The following STUM variants were observed in gnomAD, a reference collection of about 807,000 sequenced individuals.
STUM encodes stum, mechanosensory transduction mediator homolog, also known as protein stum homolog.
In STUM, 8 loss-of-function variants were observed where a neutral mutation model predicts 15.3. The ratio of observed to expected loss-of-function variants is 0.52; its 90% CI spans 0.31 to 0.94. The LOEUF (loss-of-function observed/expected upper bound fraction) is 0.94. Ranked by LOEUF, STUM falls within the 40% of genes least tolerant of loss-of-function variation. The pLI is 0.05. For missense variants in STUM, 142 were observed against 204.9 expected (o/e 0.69, Z 1.87); for synonymous variants, 78 against 88.7 (o/e 0.88, Z 0.68).
chr1:226,592,487 T>C (rs970319087), intron 1 of STUM, among the ~76,000 whole-genome samples: 1 of 152,244 alleles, frequency 6.6e-6, no homozygotes, highest in Non-Finnish European at 1.5e-5. Context: ...TCAGTTTCTG[T>C]ATCTGTAAAA....
intron 1 of STUM, among the ~76,000 whole-genome samples, chr1:226,568,572 G>A (rs1488311729): frequency 6.6e-6 from 1 of 152,230 alleles, no homozygotes; most frequent in African/African-American, 2.4e-5. Flanking sequence ...TCAGTAGCAG[G>A]CAGCTTGACT....
rs1406240451 is a variant in STUM at position 226,552,939 on chromosome 1, T to G, written c.202+3833T>G. Among the ~76,000 whole-genome samples the G allele has an allele frequency of 6.6e-6, 1 of 152,190 alleles. No homozygotes were observed. The highest frequency in any genetic ancestry group is 1.5e-5 in the Non-Finnish European group (1 of 68,024). On this transcript the variant is annotated intron_variant, in intron 1 of 3. Coordinates refer to ENST00000366788, the MANE Select transcript of STUM (RefSeq NM_001003665.4). The surrounding 1 kb of genome is among the most constrained non-coding windows in gnomAD (Gnocchi z 4.7). ...AAAGAGCATGTTATCCACAAATACA[T>G]ATAGACTAGAATTATACTCCTGGAA...
At chr1:226,572,345 C>T (rs193162862) in intron 1 of STUM, among the ~76,000 whole-genome samples, 12 of 152,284 alleles carry the variant, frequency 7.9e-5, no homozygotes, top group African/African-American at 2.6e-4. Flanking sequence ...CAACTTTCAA[C>T]AAGTATGCAT....
chr1:226,584,507 T>G (rs1378558583), intron 1 of STUM, among the ~76,000 whole-genome samples: 2 of 152,130 alleles, frequency 1.3e-5, no homozygotes. Flanking sequence ...CAGTGGCTCC[T>G]GAAGGTCTCT....
intron 2 of STUM, among the ~76,000 whole-genome samples, chr1:226,599,856 G>A (rs1346689952): frequency 1.3e-5 from 2 of 152,218 alleles, no homozygotes. Context: ...AGTCTCACAT[G>A]TTCTCAGCAC....
In STUM at chr1:226,601,765, C is replaced by T. The variant is rs554138350; in HGVS notation, c.392-241C>T. Among the ~76,000 whole-genome samples the T allele has an allele frequency of 7.9e-4, 121 of 152,344 alleles. 1 individual carries two copies. The highest frequency in any genetic ancestry group is 2.8e-3 in the African/African-American group (116 of 41,574). On this transcript the variant is annotated intron_variant, in intron 3 of 3. Transcript: ENST00000366788. ...ATGTCGATAGCCTTTTAGCTCCCAC[C>T]CCAAATGCCCGCCCGTCATACATTC...
Position 226,603,143 on chromosome 1 carries a change from A to G in STUM, c.*1103A>G, listed in dbSNP as rs1668299879. The G allele has an allele frequency of 6.6e-6, 1 of 152,244 alleles. No homozygotes were observed. The highest frequency in any genetic ancestry group is 1.5e-5 in the Non-Finnish European group (1 of 68,050). 9.4% of individuals were successfully genotyped at this position (152,244 alleles called of 1,614,324 possible). A position where few individuals can be genotyped will look rare whatever the true frequency, so the allele number is the denominator to read the frequency against. The stretch of plus-strand genomic sequence containing the variant: ...GAGCTTTTAGGGTTTCAGAATTGCA[A>G]GAACAATTGTATGGGGTTGTGGACC... On this transcript the variant is annotated 3_prime_UTR_variant, in exon 4 of 4. Coordinates refer to ENST00000366788, the MANE Select transcript of STUM (RefSeq NM_001003665.4).
intron 1 of STUM, among the ~76,000 whole-genome samples, chr1:226,555,471 T>C (rs548457970): frequency 3.3e-5 from 5 of 151,224 alleles, no homozygotes; most frequent in Admixed American, 1.3e-4. Flanking sequence ...GACCTCCCAG[T>C]GGCTCAGGCC....
At chr1:226,580,751 T>C (rs1667905442) in intron 1 of STUM, among the ~76,000 whole-genome samples, 4 of 152,210 alleles carry the variant, frequency 2.6e-5, no homozygotes, top group Admixed American at 1.3e-4. Context: ...GCTGTGTGTC[T>C]GGATCCATCA....
At chr1:226,586,204 G>A (rs146089135) in intron 1 of STUM, among the ~76,000 whole-genome samples, 2 of 152,262 alleles carry the variant, frequency 1.3e-5, no homozygotes, top group East Asian at 1.9e-4. Flanking sequence ...TCTCCCACAC[G>A]CCCAGTGTGT....
chr1:226,563,927 A>C (rs770814171), intron 1 of STUM, among the ~76,000 whole-genome samples: 19 of 152,212 alleles, frequency 1.2e-4, no homozygotes, highest in Non-Finnish European at 2.5e-4. Context: ...TGGGGTTCTG[A>C]GGCTCAAGGC....
chr1:226,557,851 G>C (rs750615320), intron 1 of STUM, among the ~76,000 whole-genome samples: 1 of 152,096 alleles, frequency 6.6e-6, no homozygotes, highest in African/African-American at 2.4e-5. Context: ...CAATAAATGT[G>C]ATACATCACA....
chr1:226,566,988 C>G (rs1467591262), intron 1 of STUM, among the ~76,000 whole-genome samples: 1 of 152,182 alleles, frequency 6.6e-6, no homozygotes, highest in East Asian at 1.9e-4. Flanking sequence ...AACTCCATTG[C>G]TGCTTCCCGC....
chr1:226,603,873 C>G lies in STUM; in HGVS notation c.*1833C>G, dbSNP rs139807412. On this transcript the variant is annotated 3_prime_UTR_variant, in exon 4 of 4. Coordinates refer to ENST00000366788, the MANE Select transcript of STUM (RefSeq NM_001003665.4). ...TGCCTTCTTCTCTCCTGTTTGGAAG[C>G]CTCTGTATCTTCAAGGTGTGGGAAC... 6.3e-4 allele frequency: 96 copies of G among 152,524 alleles called. No homozygotes were observed. Among genetic ancestry groups the G allele is most frequent in the Non-Finnish European group, 2.2e-4 (15 of 68,176 alleles). The allele number at this position is 152,524 out of a possible 1,614,324, so 9.4% of individuals were successfully genotyped here.
Position 226,548,868 on chromosome 1 carries a change from G to A in STUM, c.-37G>A. The A allele has an allele frequency of 7.6e-7, 1 of 1,310,502 alleles. No homozygotes were observed. Among genetic ancestry groups the A allele is most frequent in the Non-Finnish European group, 9.6e-7 (1 of 1,037,720 alleles). 81.2% of individuals were successfully genotyped at this position (1,310,502 alleles called of 1,614,324 possible). On this transcript the variant is annotated 5_prime_UTR_variant, in exon 1 of 4. Coordinates refer to ENST00000366788, the MANE Select transcript of STUM (RefSeq NM_001003665.4). ...CTCCCGTACGCTGGGCGCCAGCTCC[G>A]GCCGTGCTGCCCGGCTGCCTGAGAG...
At chr1:226,601,305 C>T (rs837436) in intron 3 of STUM, among the ~76,000 whole-genome samples, 87,371 of 151,882 alleles carry the variant, frequency 0.58, 25,442 homozygotes, top group African/African-American at 0.65. Context: ...TTTTTGTATT[C>T]TTAGTAAGAC....
chr1:226,582,172 C>T (rs1208881142), intron 1 of STUM, among the ~76,000 whole-genome samples: 2 of 152,242 alleles, frequency 1.3e-5, no homozygotes, highest in East Asian at 3.9e-4. Context: ...CCGGCCCCTG[C>T]CCCGGGAAAT....
intron 1 of STUM, among the ~76,000 whole-genome samples, chr1:226,589,814 G>A (rs958312677): frequency 3.3e-5 from 5 of 152,248 alleles, no homozygotes; most frequent in South Asian, 4.2e-4. Context: ...GGGGGAAGCC[G>A]TTGGACAGAG....
At chr1:226,598,538 C>T (rs184069034) in intron 2 of STUM, among the ~76,000 whole-genome samples, 71 of 152,294 alleles carry the variant, frequency 4.7e-4, no homozygotes, top group Admixed American at 2.8e-3. Flanking sequence ...TACCCAGGAA[C>T]GAAGAGGTTG....
Sources: gnomAD v4.1 joint callset for allele counts (sites outside exome capture counted in the v4.1 genomes callset) on GRCh38, gnomAD v4.1.1 for gene constraint, Gnocchi (gnomAD v3.1) non-coding constraint, MANE v1.5 for transcripts, NCBI Gene and HGNC (gene_info 2026-07-23, HGNC 2026-07-21) for gene names.